MBNL1: variants seen among roughly 807,000 people sequenced by gnomAD.
MBNL1 encodes muscleblind-like protein 1.
A neutral mutation model predicts 42.2 loss-of-function variants in MBNL1; 8 were observed. That is an observed-to-expected ratio of 0.19 (90% CI 0.11 to 0.34). The LOEUF (loss-of-function observed/expected upper bound fraction) is 0.34. MBNL1 is among the 10% of genes least tolerant of loss of function. The pLI is 1.00. For missense variants in MBNL1, 309 were observed against 495.3 expected, an observed-to-expected ratio of 0.62 and a Z score of 3.57; for synonymous variants, 169 against 173.9, an observed-to-expected ratio of 0.97 and a Z score of 0.22.
chr3:152,365,423 T>C (rs756116517), intron 2 of MBNL1, among the ~76,000 whole-genome samples: 6 of 152,148 alleles, frequency 3.9e-5, no homozygotes, highest in Non-Finnish European at 7.4e-5. Context: ...AAATTGTCAT[T>C]ATTTCTTTTC....
intron 2 of MBNL1, among the ~76,000 whole-genome samples, chr3:152,308,068 C>T (rs1398788411): frequency 3.3e-5 from 5 of 152,128 alleles, no homozygotes; most frequent in African/African-American, 1.2e-4. Context: ...AAGCCATATT[C>T]AAAAGGTTTA....
At chr3:152,337,516 G>A (rs1294181376) in intron 2 of MBNL1, among the ~76,000 whole-genome samples, 1 of 151,716 alleles carries the variant, frequency 6.6e-6, no homozygotes, top group African/African-American at 2.4e-5. Flanking sequence ...TACTTGGGAG[G>A]CTGAGCCAGG....
chr3:152,296,557 T>C (rs2058608373), intron 1 of MBNL1, among the ~76,000 whole-genome samples: 1 of 152,158 alleles, frequency 6.6e-6, no homozygotes, highest in Admixed American at 6.5e-5. Context: ...TAATGAAGTT[T>C]TAGAAAGGCT....
At chr3:152,260,776 C>T (rs1434779462) in intron 2 of MBNL1, among the ~76,000 whole-genome samples, 2 of 152,104 alleles carry the variant, frequency 1.3e-5, no homozygotes, top group Non-Finnish European at 2.9e-5. Flanking sequence ...TCCTATGGAC[C>T]ACTAATGCTT....
At chr3:152,346,436 C>T (rs773744046) in intron 2 of MBNL1, among the ~76,000 whole-genome samples, 1 of 152,004 alleles carries the variant, frequency 6.6e-6, no homozygotes, top group Non-Finnish European at 1.5e-5. Context: ...AGTTTTCCTT[C>T]TTGATTTTTT....
Position 152,319,364 on chromosome 3 carries a change from A to G in MBNL1, c.174+18997A>G, listed in dbSNP as rs561397830. On this transcript the variant is annotated intron_variant, in intron 2 of 9. Coordinates refer to ENST00000324210, the MANE Select transcript of MBNL1 (RefSeq NM_021038.5). ...TGATGTCATGCAGTTCATTAGTTTT[A>G]CAGATAGGGAACCAAGGAGTGGTGA... Among the ~76,000 whole-genome samples, 7 of 152,242 alleles carry G rather than the reference A, an allele frequency of 4.6e-5. No individual in the cohort carries two copies. The South Asian group carries it at 1.4e-3, about 32-fold the overall frequency.
chr3:152,340,554 C>A, intron 2 of MBNL1: 1 of 1,611,846 alleles, frequency 6.2e-7, no homozygotes, highest in Non-Finnish European at 8.5e-7. Flanking sequence ...CAAGCTGAGA[C>A]ATAGCTACAA....
chr3:152,443,661 C>T (rs990627108), intron 4 of MBNL1, among the ~76,000 whole-genome samples: 1 of 151,842 alleles, frequency 6.6e-6, no homozygotes, highest in Admixed American at 6.6e-5. Context: ...TAATTATTCT[C>T]GGTAACAGCT....
At chr3:152,416,521 A>C (rs2098704671) in intron 3 of MBNL1, among the ~76,000 whole-genome samples, 1 of 152,238 alleles carries the variant, frequency 6.6e-6, no homozygotes, top group African/African-American at 2.4e-5. Flanking sequence ...AGTTTCAAAG[A>C]TCAGACAAGT....
chr3:152,338,405 C>G (rs1233625429), intron 2 of MBNL1: 1 of 985,408 alleles, frequency 1.0e-6, no homozygotes, highest in East Asian at 1.1e-4. Flanking sequence ...GAATATTCCT[C>G]CCCCTGCTGC....
intron 2 of MBNL1, among the ~76,000 whole-genome samples, chr3:152,355,238 A>G (rs562907691): frequency 6.6e-6 from 1 of 152,262 alleles, no homozygotes; most frequent in South Asian, 2.1e-4. Context: ...TTGACTTCAT[A>G]CTGTCTCGGT....
At chr3:152,307,667 T>C (rs1199424009) in intron 2 of MBNL1, among the ~76,000 whole-genome samples, 3 of 152,216 alleles carry the variant, frequency 2.0e-5, no homozygotes, top group Non-Finnish European at 4.4e-5. Flanking sequence ...AATGTGGACT[T>C]GGAGCCTCGT....
At chr3:152,275,099 ATTTG>A (rs1018659127) in intron 1 of MBNL1, among the ~76,000 whole-genome samples, 3 of 152,158 alleles carry the variant, frequency 2.0e-5, no homozygotes, top group Admixed American at 2.0e-4. Context: ...TTAGCATTTT[ATTTG>A]TTTCTGTGTT....
chr3:152,372,000 T>G (rs2096683669), intron 2 of MBNL1, among the ~76,000 whole-genome samples: 1 of 152,220 alleles, frequency 6.6e-6, no homozygotes, highest in Non-Finnish European at 1.5e-5. Context: ...TGTTCATTCC[T>G]TTTCATTCAT....
intron 2 of MBNL1, among the ~76,000 whole-genome samples, chr3:152,322,527 A>G (rs1431756605): frequency 1.3e-5 from 2 of 152,086 alleles, no homozygotes; most frequent in African/African-American, 4.8e-5. Flanking sequence ...TCTAATTACG[A>G]TACCACAAAG....
chr3:152,334,590 C>T (rs1272081524), intron 2 of MBNL1, among the ~76,000 whole-genome samples: 1 of 152,072 alleles, frequency 6.6e-6, no homozygotes, highest in Non-Finnish European at 1.5e-5. Flanking sequence ...ATTATGAAAA[C>T]ATTAGAATTT....
intron 2 of MBNL1, among the ~76,000 whole-genome samples, chr3:152,377,670 T>G (rs1241425236): frequency 6.6e-6 from 1 of 152,222 alleles, no homozygotes; most frequent in Non-Finnish European, 1.5e-5. Flanking sequence ...GCCACATTCA[T>G]GTTTCAGAAT....
At chr3:152,422,125 C>T (rs765143642) in intron 3 of MBNL1, among the ~76,000 whole-genome samples, 23 of 152,056 alleles carry the variant, frequency 1.5e-4, no homozygotes, top group South Asian at 4.1e-4. Flanking sequence ...AATTAAAAGA[C>T]GCAGACTGGC....
intron 2 of MBNL1, among the ~76,000 whole-genome samples, chr3:152,249,690 G>C (rs1253291108): frequency 6.7e-6 from 1 of 149,812 alleles, no homozygotes; most frequent in African/African-American, 2.5e-5. Context: ...TGAAGTCCTT[G>C]CCCATGCCTA....
Sources: allele counts gnomAD v4.1 joint callset (sites outside exome capture counted in the v4.1 genomes callset), GRCh38; gene constraint gnomAD v4.1.1; transcripts MANE v1.5; gene names NCBI Gene and HGNC (gene_info 2026-07-23, HGNC 2026-07-21).